DPYD: variants seen among roughly 807,000 people sequenced by gnomAD.
DPYD encodes the protein dihydropyrimidine dehydrogenase, also known as dihydropyrimidine dehydrogenase [NADP(+)].
In DPYD, 109 loss-of-function variants were observed where a neutral mutation model predicts 116.2. That is an observed-to-expected ratio of 0.94 (90% CI 0.80 to 1.10). The LOEUF (loss-of-function observed/expected upper bound fraction) is 1.10. Ranked by LOEUF, DPYD falls within the 50% of genes least tolerant of loss-of-function variation. The pLI is 0.00. For missense variants in DPYD, 1,302 were observed against 1,254.5 expected, an observed-to-expected ratio of 1.04 and a Z score of -0.57; for synonymous variants, 440 against 432.0, an observed-to-expected ratio of 1.02 and a Z score of -0.23.
intron 3 of DPYD, among the ~76,000 whole-genome samples, chr1:97,762,028 T>C (rs1571316629): frequency 6.6e-6 from 1 of 151,826 alleles, no homozygotes; most frequent in African/African-American, 2.4e-5. Context: ...GGGAGGAGGG[T>C]GAGGATCAAA....
chr1:97,794,578 A>C (rs1231850582), intron 3 of DPYD, among the ~76,000 whole-genome samples: 1 of 152,178 alleles, frequency 6.6e-6, no homozygotes, highest in East Asian at 1.9e-4. Context: ...AGCTTGTTTG[A>C]CCTGGATTCC....
At chr1:97,609,377 A>G (rs917204330) in intron 8 of DPYD, among the ~76,000 whole-genome samples, 1 of 152,018 alleles carries the variant, frequency 6.6e-6, no homozygotes, top group African/African-American at 2.4e-5. Flanking sequence ...AGATAAAGAA[A>G]AAGAGAGAGA....
intron 21 of DPYD, among the ~76,000 whole-genome samples, chr1:97,088,580 A>G (rs1471228409): frequency 2.0e-5 from 3 of 152,060 alleles, no homozygotes; most frequent in Non-Finnish European, 4.4e-5. Context: ...GTCCCAGGGT[A>G]ACATTTTGTT....
At chr1:97,866,538 A>T (rs562442949) in intron 2 of DPYD, among the ~76,000 whole-genome samples, 9 of 151,996 alleles carry the variant, frequency 5.9e-5, no homozygotes, top group African/African-American at 1.4e-4. Flanking sequence ...ATTGTTGTAG[A>T]CCCTGAAGTT....
At chr1:97,133,560 T>C (rs1213932420) in intron 20 of DPYD, among the ~76,000 whole-genome samples, 5 of 152,162 alleles carry the variant, frequency 3.3e-5, no homozygotes, top group Non-Finnish European at 7.4e-5. Context: ...TTTTGGTATA[T>C]GGTATGAGAC....
chr1:97,190,348 T>C (rs1391225807), intron 20 of DPYD, among the ~76,000 whole-genome samples: 2 of 152,188 alleles, frequency 1.3e-5, no homozygotes, highest in Non-Finnish European at 1.5e-5. Context: ...TTTTTGTCCC[T>C]TTTGGCAATG....
chr1:97,899,061 C>G (rs549624985), intron 1 of DPYD, among the ~76,000 whole-genome samples: 52 of 151,702 alleles, frequency 3.4e-4, no homozygotes, highest in African/African-American at 1.3e-3. Flanking sequence ...TCCTAGGAAC[C>G]AAGCTGTGAC....
intron 3 of DPYD, among the ~76,000 whole-genome samples, chr1:97,817,681 T>C (rs1389479423): frequency 6.6e-6 from 1 of 152,084 alleles, no homozygotes; most frequent in Non-Finnish European, 1.5e-5. Flanking sequence ...AAATACTTAT[T>C]CAAAACATGT....
intron 20 of DPYD, among the ~76,000 whole-genome samples, chr1:97,175,411 T>C (rs1657174924): frequency 6.6e-6 from 1 of 152,232 alleles, no homozygotes; most frequent in East Asian, 1.9e-4. Flanking sequence ...CAAGGTCACC[T>C]GTGTGATGAC....
intron 2 of DPYD, among the ~76,000 whole-genome samples, chr1:97,854,409 T>C (rs1170904308): frequency 6.6e-6 from 1 of 152,148 alleles, no homozygotes; most frequent in Non-Finnish European, 1.5e-5. Flanking sequence ...ATATAATACA[T>C]TTATGTAATA....
At chr1:97,314,490 C>CTTT (rs66629750) in intron 16 of DPYD, among the ~76,000 whole-genome samples, 3,689 of 123,278 alleles carry the variant, frequency 0.03, 86 homozygotes, top group Middle Eastern at 0.058. Context: ...CTAAAGCTTT[C>CTTT]TTTTTTTTTT....
In DPYD at chr1:97,774,762, T is replaced by C. The variant is rs72977760; in HGVS notation, c.234-34283A>G. The C allele has an allele frequency of 2.8e-3, 503 of 181,232 alleles. 3 individuals are homozygous for C. The highest frequency in any genetic ancestry group is 0.011 in the African/African-American group (477 of 41,888). The allele number at this position is 181,232 out of a possible 1,614,324, so 11.2% of individuals were successfully genotyped here. On this transcript the variant is annotated intron_variant, in intron 3 of 22. Coordinates refer to ENST00000370192, the MANE Select transcript of DPYD (RefSeq NM_000110.4). ...AGAGCACACGGAAACAGCACCTAAA[T>C]TGAACTACCCTGAAGTAGTTGGTAA...
rs951435049 is a variant in DPYD, at chr1:97,828,298, C to T, written c.151-102G>A. ...TAATTGATTATATTGATCATGGACT[C>T]ATGAAAAATATGCATACCACTTTAA... On this transcript the variant is annotated intron_variant, in intron 2 of 22. Coordinates refer to ENST00000370192, the MANE Select transcript of DPYD (RefSeq NM_000110.4). The T allele has an allele frequency of 2.2e-5, 23 of 1,068,156 alleles. No homozygotes were observed. The Middle Eastern group carries it at 8.2e-4, about 38-fold the overall frequency. 66.2% of individuals were successfully genotyped at this position (1,068,156 alleles called of 1,614,324 possible).
intron 18 of DPYD, among the ~76,000 whole-genome samples, chr1:97,273,425 C>G (rs1051753083): frequency 2.6e-5 from 4 of 152,204 alleles, no homozygotes; most frequent in South Asian, 4.2e-4. Context: ...TAAACTACTC[C>G]CTCTCACAAG....
intron 13 of DPYD, among the ~76,000 whole-genome samples, chr1:97,502,160 G>C (rs1679622227): frequency 6.6e-6 from 1 of 152,026 alleles, no homozygotes; most frequent in South Asian, 2.1e-4. Flanking sequence ...TAACCAAAAA[G>C]AACAGGAGGA....
At chr1:97,164,957 C>T (rs1656210525) in intron 20 of DPYD, among the ~76,000 whole-genome samples, 1 of 151,968 alleles carries the variant, frequency 6.6e-6, no homozygotes, top group African/African-American at 2.4e-5. Context: ...ATCCACCTGC[C>T]TAGGCCTCCC....
intron 11 of DPYD, among the ~76,000 whole-genome samples, chr1:97,555,530 T>C (rs1327422900): frequency 6.6e-6 from 1 of 152,106 alleles, no homozygotes; most frequent in African/African-American, 2.4e-5. Flanking sequence ...TTTCATTTCC[T>C]CCACTCATTG....
At chr1:97,677,960 G>A (rs1245110720) in intron 8 of DPYD, among the ~76,000 whole-genome samples, 1 of 152,142 alleles carries the variant, frequency 6.6e-6, no homozygotes, top group Non-Finnish European at 1.5e-5. Context: ...AGTGTGAACT[G>A]CCGAAGAGAC....
At chr1:97,373,453 G>T in intron 16 of DPYD, 108 bp downstream of exon 16, 1 of 916,286 alleles carries the variant, frequency 1.1e-6, no homozygotes, top group Non-Finnish European at 1.7e-6. Flanking sequence ...GAAGTCTCTA[G>T]CCAGTCATCT....
Sources: allele counts gnomAD v4.1 joint callset (sites outside exome capture counted in the v4.1 genomes callset), GRCh38; gene constraint gnomAD v4.1.1; transcripts MANE v1.5; gene names NCBI Gene and HGNC (gene_info 2026-07-23, HGNC 2026-07-21).